The following KCNQ5 variants were observed in gnomAD, a reference collection of about 807,000 sequenced individuals.
KCNQ5 encodes the protein potassium voltage-gated channel subfamily KQT member 5.
In KCNQ5, 30 loss-of-function variants were observed where a neutral mutation model predicts 98.2. The ratio of observed to expected loss-of-function variants is 0.31; its 90% CI spans 0.23 to 0.41. The LOEUF is 0.41. Ranked by LOEUF, KCNQ5 falls within the 10% of genes least tolerant of loss-of-function variation. KCNQ5 has a pLI of 1.00. For synonymous variants in KCNQ5, 458 were observed against 449.4 expected (o/e 1.02, Z -0.24); for missense variants, 835 against 1,182.5 (o/e 0.71, Z 4.31).
chr6:72,799,901 A>G (rs1190783151), intron 1 of KCNQ5, among the ~76,000 whole-genome samples: 1 of 152,188 alleles, frequency 6.6e-6, no homozygotes, highest in Non-Finnish European at 1.5e-5. Context: ...CCTCCAGATG[A>G]TACTGAAGAA....
intron 1 of KCNQ5, among the ~76,000 whole-genome samples, chr6:72,932,494 T>C (rs1470745954): frequency 6.6e-6 from 1 of 152,222 alleles, no homozygotes; most frequent in African/African-American, 2.4e-5. Context: ...ATGATATGCA[T>C]GTATCACTTT....
chr6:72,719,923 A>G (rs932532497), intron 1 of KCNQ5, among the ~76,000 whole-genome samples: 2 of 152,204 alleles, frequency 1.3e-5, no homozygotes, highest in African/African-American at 4.8e-5. Context: ...AGGTCATCGA[A>G]TAATTTGGCA....
At chr6:72,759,197 C>T (rs973100911) in intron 1 of KCNQ5, among the ~76,000 whole-genome samples, 7 of 152,084 alleles carry the variant, frequency 4.6e-5, no homozygotes, top group Non-Finnish European at 5.9e-5. Flanking sequence ...TGAATGACTT[C>T]GTTAAGATTC....
chr6:72,732,843 C>T (rs1170052867), intron 1 of KCNQ5, among the ~76,000 whole-genome samples: 1 of 152,028 alleles, frequency 6.6e-6, no homozygotes, highest in Non-Finnish European at 1.5e-5. Context: ...CTTGCAAGTC[C>T]TTAAGGCGGG....
At position 73,077,311 on chromosome 6, in the gene KCNQ5, G is replaced by C. The variant is rs764036265; in HGVS notation, c.617-11G>C. On this transcript the variant is annotated splice_polypyrimidine_tract_variant and intron_variant, in intron 3 of 13. Coordinates refer to ENST00000370398, the MANE Select transcript of KCNQ5 (RefSeq NM_019842.4). ...GTGCTAACTGTGGCTATTTCGACCT[G>C]TTTCTTTCAGATACCATTGTTCTTA... The C allele has an allele frequency of 5.6e-6, 9 of 1,612,120 alleles. No individual in the cohort carries two copies. Among genetic ancestry groups the C allele is most frequent in the Non-Finnish European group, 7.6e-6 (9 of 1,179,304 alleles).
At chr6:72,919,306 A>G (rs1007556022) in intron 1 of KCNQ5, among the ~76,000 whole-genome samples, 1 of 152,188 alleles carries the variant, frequency 6.6e-6, no homozygotes, top group Admixed American at 6.5e-5. Flanking sequence ...CTCATGGGAG[A>G]GACAGAAACC....
intron 3 of KCNQ5, among the ~76,000 whole-genome samples, chr6:73,047,125 A>T (rs974217789): frequency 3.3e-5 from 5 of 152,258 alleles, no homozygotes; most frequent in Non-Finnish European, 7.3e-5. Flanking sequence ...TTAGCATTTT[A>T]AAATTAAATT....
At chr6:72,854,066 A>T (rs1777413599) in intron 1 of KCNQ5, among the ~76,000 whole-genome samples, 1 of 152,202 alleles carries the variant, frequency 6.6e-6, no homozygotes, top group Non-Finnish European at 1.5e-5. Context: ...CTGTGCAATG[A>T]GGTTACAATG....
intron 2 of KCNQ5, among the ~76,000 whole-genome samples, chr6:73,006,729 G>C (rs992283274): frequency 2.0e-5 from 3 of 152,164 alleles, no homozygotes; most frequent in African/African-American, 7.2e-5. Flanking sequence ...CGTGTACACT[G>C]TTGATGTATA....
At chr6:72,661,745 G>T (rs1042580591) in intron 1 of KCNQ5, among the ~76,000 whole-genome samples, 18 of 152,004 alleles carry the variant, frequency 1.2e-4, no homozygotes, top group African/African-American at 3.9e-4. Flanking sequence ...TTGTTATTTG[G>T]TCAGTTTATT....
chr6:72,725,562 A>ACAATTT (rs1053526130), intron 1 of KCNQ5, among the ~76,000 whole-genome samples: 2 of 152,210 alleles, frequency 1.3e-5, no homozygotes, highest in Non-Finnish European at 2.9e-5. Context: ...CAAAGAGTAC[A>ACAATTT]CAATTTTAAT....
At chr6:73,128,209 G>T (rs540155654) in intron 9 of KCNQ5, among the ~76,000 whole-genome samples, 1 of 152,288 alleles carries the variant, frequency 6.6e-6, no homozygotes, top group South Asian at 2.1e-4. Context: ...TCTCAACTGA[G>T]CCTGCTGTTT....
intron 3 of KCNQ5, among the ~76,000 whole-genome samples, chr6:73,058,422 A>C (rs1772625341): frequency 6.6e-6 from 1 of 152,198 alleles, no homozygotes; most frequent in Non-Finnish European, 1.5e-5. Flanking sequence ...AAAAAAAACA[A>C]ACCTAAAACT....
chr6:72,686,854 T>C lies in KCNQ5; in HGVS notation c.398+64267T>C, dbSNP rs192882547. ...TTCTTTTAATGTTACTCAGGTGTTC[T>C]GTATCTGTTTATTTCTTCAGAAAAA... is the stretch of plus-strand genomic sequence containing the variant. On this transcript the variant is annotated intron_variant, in intron 1 of 13. Transcript: ENST00000370398. Among the ~76,000 whole-genome samples the C allele has an allele frequency of 1.2e-4, 19 of 152,192 alleles. No homozygotes were observed. In the East Asian group the frequency reaches 2.5e-3, roughly 20 times the overall value.
At chr6:72,996,625 C>A (rs1340831650) in intron 1 of KCNQ5, among the ~76,000 whole-genome samples, 1 of 152,186 alleles carries the variant, frequency 6.6e-6, no homozygotes. Flanking sequence ...ATACTTGAGA[C>A]AGTCTTTTTT....
At chr6:72,908,527 TA>T (rs1486859810) in intron 1 of KCNQ5, among the ~76,000 whole-genome samples, 1 of 152,150 alleles carries the variant, frequency 6.6e-6, no homozygotes, top group African/African-American at 2.4e-5. Context: ...CCCAGACATT[TA>T]AAAATATGTC....
chr6:73,065,551 G>A (rs9446830), intron 3 of KCNQ5, among the ~76,000 whole-genome samples: 148,499 of 152,276 alleles, frequency 0.98, 72,503 homozygotes, highest in Middle Eastern at 1. Flanking sequence ...ATGATCTTGT[G>A]AAATACACAT....
chr6:73,168,116 C>T (rs894152295), intron 10 of KCNQ5, among the ~76,000 whole-genome samples: 7 of 152,138 alleles, frequency 4.6e-5, no homozygotes, highest in African/African-American at 1.7e-4. Context: ...TGTATCTCAT[C>T]ATCTCTTCCC....
intron 10 of KCNQ5, among the ~76,000 whole-genome samples, chr6:73,158,615 T>C (rs1777482965): frequency 6.6e-6 from 1 of 152,138 alleles, no homozygotes; most frequent in African/African-American, 2.4e-5. Flanking sequence ...AAATACTTCA[T>C]ATCAAAAAGT....
Sources: allele counts gnomAD v4.1 joint callset (sites outside exome capture counted in the v4.1 genomes callset), GRCh38; gene constraint gnomAD v4.1.1; transcripts MANE v1.5; gene names NCBI Gene and HGNC (gene_info 2026-07-23, HGNC 2026-07-21).